FBXW7: variants seen among roughly 807,000 people sequenced by gnomAD.
The protein encoded by FBXW7 is F-box and WD repeat domain containing 7, also known as F-box/WD repeat-containing protein 7.
A neutral mutation model predicts 86.3 loss-of-function variants in FBXW7; 11 were observed. That is an observed-to-expected ratio of 0.13 (90% CI 0.08 to 0.21). The LOEUF (loss-of-function observed/expected upper bound fraction) is 0.21. FBXW7 is among the 10% of genes least tolerant of loss of function. The probability of loss-of-function intolerance (pLI) is 1.00; values close to 1 mark genes in which losing one functional copy is unlikely to be tolerated. For synonymous variants in FBXW7, 313 were observed against 297.9 expected, an observed-to-expected ratio of 1.05 and a Z score of -0.52; for missense variants, 488 against 847.4, an observed-to-expected ratio of 0.58 and a Z score of 5.27.
chr4:152,350,326 CCT>C (rs1447711287), intron 4 of FBXW7, among the ~76,000 whole-genome samples: 2 of 151,440 alleles, frequency 1.3e-5, no homozygotes, highest in African/African-American at 4.8e-5. Context: ...AATTTTCCCC[CCT>C]AATATTTTAT....
chr4:152,469,187 A>T (rs1023069835), intron 2 of FBXW7, among the ~76,000 whole-genome samples: 1 of 152,088 alleles, frequency 6.6e-6, no homozygotes, highest in Admixed American at 6.5e-5. Flanking sequence ...CCAAAAGCCT[A>T]TACTATGACA....
intron 2 of FBXW7, among the ~76,000 whole-genome samples, chr4:152,499,418 T>C (rs1746693357): frequency 6.6e-6 from 1 of 152,256 alleles, no homozygotes; most frequent in Non-Finnish European, 1.5e-5. Context: ...TTATCCAACA[T>C]TGAGAGGCTA....
At chr4:152,447,919 T>C (rs1741557862) in intron 2 of FBXW7, among the ~76,000 whole-genome samples, 1 of 152,202 alleles carries the variant, frequency 6.6e-6, no homozygotes, top group South Asian at 2.1e-4. Flanking sequence ...TTTAGAGATA[T>C]GCTCTCATGG....
chr4:152,349,084 A>G (rs1014496772), intron 5 of FBXW7, among the ~76,000 whole-genome samples: 3 of 152,116 alleles, frequency 2.0e-5, no homozygotes, highest in African/African-American at 7.2e-5. Context: ...TGAAATAAAA[A>G]CAAGCTATTT....
At chr4:152,531,870 TA>T (rs199583288) in intron 2 of FBXW7, among the ~76,000 whole-genome samples, 3,513 of 143,690 alleles carry the variant, frequency 0.024, 43 homozygotes, top group Middle Eastern at 0.043. Flanking sequence ...ATACCCTATT[TA>T]AAAAAAAAAA....
intron 4 of FBXW7, chr4:152,352,643 A>C: frequency 6.2e-7 from 1 of 1,613,898 alleles, no homozygotes; most frequent in Non-Finnish European, 8.5e-7. Flanking sequence ...CACGTCAGAA[A>C]AGGAAGATTA....
rs549127734 is a variant in FBXW7 at position 152,417,548 on chromosome 4, G to A, written c.-119-5019C>T. Among the ~76,000 whole-genome samples, 16 of 152,216 alleles carry A rather than the reference G, an allele frequency of 1.1e-4. No individual in the cohort carries two copies. In the East Asian group the frequency reaches 3.1e-3, roughly 29 times the overall value. ...GGAACAGAGGCAGACCAACAAGGGGGCAAGGTGGCAAAGCTTGACTCTAAG... is the reference window on the plus strand; with the variant it reads ...GGAACAGAGGCAGACCAACAAGGGGACAAGGTGGCAAAGCTTGACTCTAAG... On this transcript the variant is annotated intron_variant, in intron 2 of 13. Coordinates refer to ENST00000281708, the MANE Select transcript of FBXW7 (RefSeq NM_001349798.2).
intron 2 of FBXW7, among the ~76,000 whole-genome samples, chr4:152,437,058 A>T (rs1023001413): frequency 2.6e-5 from 4 of 152,204 alleles, no homozygotes; most frequent in Non-Finnish European, 5.9e-5. Flanking sequence ...TAGCTGTTTT[A>T]TATATATACA....
At chr4:152,371,196 A>G (rs1733973805) in intron 4 of FBXW7, among the ~76,000 whole-genome samples, 1 of 151,910 alleles carries the variant, frequency 6.6e-6, no homozygotes, top group African/African-American at 2.4e-5. Flanking sequence ...ATATAACACA[A>G]ATATATCTAC....
chr4:152,378,043 C>G (rs1269306227), intron 4 of FBXW7, among the ~76,000 whole-genome samples: 1 of 152,108 alleles, frequency 6.6e-6, no homozygotes, highest in Non-Finnish European at 1.5e-5. Context: ...TAAGTACTGT[C>G]TGTGGCTGCT....
chr4:152,462,933 T>C (rs942577225), intron 2 of FBXW7, among the ~76,000 whole-genome samples: 1 of 151,682 alleles, frequency 6.6e-6, no homozygotes, highest in Non-Finnish European at 1.5e-5. Flanking sequence ...TTTTTTTTTT[T>C]TTTAATCTCA....
chr4:152,457,354 C>A (rs1351493667), intron 2 of FBXW7, among the ~76,000 whole-genome samples: 1 of 152,040 alleles, frequency 6.6e-6, no homozygotes, highest in Non-Finnish European at 1.5e-5. Flanking sequence ...TTAATTAGAA[C>A]TCAATAGGCC....
intron 7 of FBXW7, 33 bp downstream of exon 7, chr4:152,337,769 C>T (rs1210817422): frequency 2.5e-6 from 4 of 1,583,582 alleles, no homozygotes; most frequent in East Asian, 2.3e-5. Flanking sequence ...ATTCAAATAA[C>T]ACCCAATGAA....
chr4:152,377,435 A>G (rs1018516511), intron 4 of FBXW7, among the ~76,000 whole-genome samples: 4 of 152,054 alleles, frequency 2.6e-5, no homozygotes, highest in African/African-American at 9.7e-5. Context: ...TAGAAGATAA[A>G]TAATAAAAAG....
intron 2 of FBXW7, among the ~76,000 whole-genome samples, chr4:152,524,688 T>C (rs1183528629): frequency 1.3e-5 from 2 of 152,104 alleles, no homozygotes; most frequent in Non-Finnish European, 2.9e-5. Flanking sequence ...CTTTCCTCCC[T>C]CCTTTACTGC....
chr4:152,395,734 G>A (rs1221585687), intron 4 of FBXW7, among the ~76,000 whole-genome samples: 5 of 151,892 alleles, frequency 3.3e-5, no homozygotes, highest in Non-Finnish European at 5.9e-5. Flanking sequence ...TTTTGCAATG[G>A]GTGATAAACA....
chr4:152,417,719 CCACAGTGGT>C (rs1738568526), intron 2 of FBXW7, among the ~76,000 whole-genome samples: 2 of 152,178 alleles, frequency 1.3e-5, no homozygotes, highest in Admixed American at 1.3e-4. Flanking sequence ...GGTGCAGTGG[CCACAGTGGT>C]ACCCTACTCA....
chr4:152,393,858 C>T (rs1736194841), intron 4 of FBXW7, among the ~76,000 whole-genome samples: 1 of 152,008 alleles, frequency 6.6e-6, no homozygotes, highest in East Asian at 1.9e-4. Context: ...GGACAAGGTA[C>T]GTTTGAATAA....
intron 2 of FBXW7, among the ~76,000 whole-genome samples, chr4:152,428,838 A>G (rs1431803549): frequency 6.6e-6 from 1 of 152,230 alleles, no homozygotes; most frequent in African/African-American, 2.4e-5. Context: ...TTACCAATTC[A>G]GATCGTCAAA....
Sources: allele counts gnomAD v4.1 joint callset (sites outside exome capture counted in the v4.1 genomes callset), GRCh38; gene constraint gnomAD v4.1.1; transcripts MANE v1.5; gene names NCBI Gene and HGNC (gene_info 2026-07-23, HGNC 2026-07-21).